The following ITPR2 variants were observed in gnomAD, a reference collection of about 807,000 sequenced individuals.
ITPR2 encodes the protein inositol 1,4,5-trisphosphate-gated calcium channel ITPR2.
Under a neutral mutation model 317.1 loss-of-function variants are expected in ITPR2, and 207 were observed. The observed-to-expected ratio is 0.65, with a 90% confidence interval of 0.58 to 0.73. The LOEUF (loss-of-function observed/expected upper bound fraction) is 0.73, where lower values mean the gene tolerates loss of function less well. ITPR2 is among the 30% of genes least tolerant of loss of function. ITPR2 has a pLI of 0.00. For synonymous variants in ITPR2, 1,156 were observed against 1,149.1 expected (o/e 1.01, Z -0.12); for missense variants, 2,613 against 3,284.0 (o/e 0.80, Z 4.99).
intron 37 of ITPR2, among the ~76,000 whole-genome samples, chr12:26,543,210 C>T (rs1035488200): frequency 6.6e-6 from 1 of 152,150 alleles, no homozygotes; most frequent in African/African-American, 2.4e-5. Flanking sequence ...CACCTCTATC[C>T]AATCCACGTA....
chr12:26,364,131 T>A (rs4963663), intron 55 of ITPR2, among the ~76,000 whole-genome samples: 148,500 of 152,150 alleles, frequency 0.98, 72,584 homozygotes, highest in Non-Finnish European at 1. Context: ...GAATAAAAAA[T>A]ATGGCGGGTC....
chr12:26,636,980 T>C (rs1056288425), intron 21 of ITPR2, among the ~76,000 whole-genome samples: 3 of 152,202 alleles, frequency 2.0e-5, no homozygotes, highest in Non-Finnish European at 2.9e-5. Context: ...AAAGCCCTAA[T>C]GCAATTACAG....
chr12:26,515,519 A>G (rs1000551208), intron 37 of ITPR2, among the ~76,000 whole-genome samples: 2 of 152,124 alleles, frequency 1.3e-5, no homozygotes, highest in African/African-American at 4.8e-5. Context: ...CAACAAAAAG[A>G]AGGAGAAGAA....
At chr12:26,617,770 A>AGGAG in intron 26 of ITPR2, among the ~76,000 whole-genome samples, 1 of 142,426 alleles carries the variant, frequency 7.0e-6, no homozygotes, top group Non-Finnish European at 1.6e-5. Flanking sequence ...GAGGGAGGGA[A>AGGAG]GGAAGGAGGG....
chr12:26,457,373 G>A (rs926299553), intron 45 of ITPR2, among the ~76,000 whole-genome samples: 6 of 152,172 alleles, frequency 3.9e-5, no homozygotes, highest in African/African-American at 1.4e-4. Flanking sequence ...AGAGAGAGGG[G>A]AGATGGGGAA....
At chr12:26,490,196 T>C (rs1015883731) in intron 39 of ITPR2, among the ~76,000 whole-genome samples, 3 of 152,280 alleles carry the variant, frequency 2.0e-5, no homozygotes, top group Admixed American at 6.5e-5. Flanking sequence ...GAAATTCAAT[T>C]GGAGAGGCAG....
chr12:26,483,249 C>G (rs1239589582), intron 42 of ITPR2, among the ~76,000 whole-genome samples: 1 of 152,212 alleles, frequency 6.6e-6, no homozygotes, highest in African/African-American at 2.4e-5. Context: ...CACTCTGAAA[C>G]TCTGGAAAGT....
intron 50 of ITPR2, among the ~76,000 whole-genome samples, chr12:26,417,800 A>G (rs1038290829): frequency 2.6e-5 from 4 of 151,584 alleles, no homozygotes; most frequent in Non-Finnish European, 5.9e-5. Context: ...TGAGCACAAA[A>G]GTATTATAAA....
chr12:26,409,547 A>G (rs776485387), intron 52 of ITPR2, among the ~76,000 whole-genome samples: 1 of 151,040 alleles, frequency 6.6e-6, no homozygotes, highest in Non-Finnish European at 1.5e-5. Flanking sequence ...AAATTTCTGT[A>G]GCCAGATGCC....
chr12:26,768,426 A>T (rs71438633), intron 2 of ITPR2, among the ~76,000 whole-genome samples: 23 of 16,804 alleles, frequency 1.4e-3, no homozygotes, highest in South Asian at 3.3e-3. Context: ...AAAAAAAATT[A>T]AAAAAAAATA....
At chr12:26,617,338 A>G (rs1591966265) in intron 26 of ITPR2, among the ~76,000 whole-genome samples, 1 of 152,256 alleles carries the variant, frequency 6.6e-6, no homozygotes, top group East Asian at 1.9e-4. Context: ...ATTTCAATAT[A>G]TGGCTAGAAA....
intron 2 of ITPR2, among the ~76,000 whole-genome samples, chr12:26,767,234 C>T (rs1454046387): frequency 6.6e-6 from 1 of 152,178 alleles, no homozygotes; most frequent in Non-Finnish European, 1.5e-5. Context: ...ACTTCTTGTA[C>T]TTGTGTCTTT....
At chr12:26,536,352 T>G (rs747626063) in intron 37 of ITPR2, among the ~76,000 whole-genome samples, 26 of 152,188 alleles carry the variant, frequency 1.7e-4, no homozygotes, top group Non-Finnish European at 2.8e-4. Context: ...CCCTTCCCTC[T>G]TCTATGCTAT....
At chr12:26,516,465 G>A (rs1555145869) in intron 37 of ITPR2, among the ~76,000 whole-genome samples, 1 of 151,926 alleles carries the variant, frequency 6.6e-6, no homozygotes, top group Non-Finnish European at 1.5e-5. Context: ...AAGGGCTTTG[G>A]GGTCTTCAAA....
At chr12:26,354,767 C>A (rs189670982) in intron 55 of ITPR2, among the ~76,000 whole-genome samples, 1 of 152,252 alleles carries the variant, frequency 6.6e-6, no homozygotes, top group Admixed American at 6.5e-5. Context: ...CTCCCGGGTT[C>A]AAGTGATTCT....
chr12:26,604,891 C>T (rs1027689268), intron 26 of ITPR2, among the ~76,000 whole-genome samples: 2 of 151,862 alleles, frequency 1.3e-5, no homozygotes, highest in Non-Finnish European at 2.9e-5. Context: ...GTCAGGAGTT[C>T]GAGACCAGTC....
intron 37 of ITPR2, among the ~76,000 whole-genome samples, chr12:26,546,858 A>G (rs536119515): frequency 4.6e-5 from 7 of 152,288 alleles, no homozygotes; most frequent in Non-Finnish European, 1.0e-4. Flanking sequence ...TCACATGCAG[A>G]AGAAACTGGA....
intron 1 of ITPR2, among the ~76,000 whole-genome samples, chr12:26,827,058 CCCTCCTTCA>C (rs1294475583): frequency 6.6e-6 from 1 of 152,168 alleles, no homozygotes. Flanking sequence ...TCCCAAGACT[CCCTCCTTCA>C]CCTTTAAAAG....
intron 46 of ITPR2, among the ~76,000 whole-genome samples, chr12:26,440,827 T>C (rs189050041): frequency 1.6e-4 from 25 of 152,234 alleles, no homozygotes; most frequent in African/African-American, 6.0e-4. Context: ...CTTCAGTCCT[T>C]TTATGAAATG....
Sources: allele counts gnomAD v4.1 joint callset (sites outside exome capture counted in the v4.1 genomes callset), GRCh38; gene constraint gnomAD v4.1.1; transcripts MANE v1.5; gene names NCBI Gene and HGNC (gene_info 2026-07-23, HGNC 2026-07-21).